GNAQ: variants seen among roughly 807,000 people sequenced by gnomAD.
GNAQ encodes G protein subunit alpha q.
Under a neutral mutation model 43.9 loss-of-function variants are expected in GNAQ, and 8 were observed. The ratio of observed to expected loss-of-function variants is 0.18; its 90% CI spans 0.11 to 0.33. The LOEUF is 0.33. Ranked by LOEUF, GNAQ falls within the 10% of genes least tolerant of loss-of-function variation. The probability of loss-of-function intolerance (pLI) is 1.00; values close to 1 mark genes in which losing one functional copy is unlikely to be tolerated. For missense variants in GNAQ, 158 were observed against 450.8 expected (o/e 0.35, Z 5.88); for synonymous variants, 155 against 170.7 (o/e 0.91, Z 0.71).
intron 5 of GNAQ, among the ~76,000 whole-genome samples, chr9:77,758,026 T>C (rs186755582): frequency 1.3e-4 from 20 of 152,338 alleles, no homozygotes; most frequent in Admixed American, 9.1e-4. Flanking sequence ...ATAATGCTTC[T>C]TGATTAAACA....
intron 3 of GNAQ, among the ~76,000 whole-genome samples, chr9:77,802,884 A>G (rs566686930): frequency 6.6e-6 from 1 of 152,090 alleles, no homozygotes; most frequent in Non-Finnish European, 1.5e-5. Context: ...GGATTTAATG[A>G]CTTTTCACTG....
Position 77,805,554 on chromosome 9 carries a change from A to G in GNAQ, c.477-7906T>C, listed in dbSNP as rs537635619. On this transcript the variant is annotated intron_variant, in intron 3 of 6. Transcript: ENST00000286548. The stretch of plus-strand genomic sequence containing the variant: ...CGAGTAGCTGGGATTACATGCGCGC[A>G]GCACCAGGCCTGGCTAATTTTTTGT... Among the ~76,000 whole-genome samples, 258 of 151,980 alleles carry G rather than the reference A, an allele frequency of 1.7e-3. 1 individual carries two copies. The highest frequency in any genetic ancestry group is 2.3e-3 in the Non-Finnish European group (154 of 67,962).
In GNAQ at chr9:77,721,487, G is replaced by T; in HGVS notation, c.916C>A (p.Arg306=). 6.2e-7 allele frequency: 1 copy of T among 1,611,478 alleles called. No individual in the cohort carries two copies. The highest frequency in any genetic ancestry group is 8.5e-7 in the Non-Finnish European group (1 of 1,178,318). Residue 306 remains arginine (R), a synonymous_variant, in exon 7 of 7, where the codon CGA becomes AGA. Coordinates refer to ENST00000286548, the MANE Select transcript of GNAQ (RefSeq NM_002072.5). The stretch of plus-strand genomic sequence containing the variant: ...ACGAACATCTTCAGAATGAATTCTC[G>T]GGCTGCCTGGGCATCTCTCTGGGGT... ...DGPQRDAQAA[R]EFILKMFVDL... is the part of the protein sequence containing the mutation.
chr9:77,993,491 G>A (rs1823533834), intron 1 of GNAQ, among the ~76,000 whole-genome samples: 1 of 152,112 alleles, frequency 6.6e-6, no homozygotes, highest in African/African-American at 2.4e-5. Flanking sequence ...GAGGTCAGAA[G>A]TTCAAGACCA....
intron 5 of GNAQ, among the ~76,000 whole-genome samples, chr9:77,791,895 T>C (rs2118434807): frequency 1.3e-5 from 2 of 152,262 alleles, no homozygotes; most frequent in South Asian, 4.1e-4. Flanking sequence ...ACAAAATGTT[T>C]CTGGAGTTTA....
intron 2 of GNAQ, among the ~76,000 whole-genome samples, chr9:77,824,757 T>C (rs1466587876): frequency 6.8e-6 from 1 of 147,966 alleles, no homozygotes; most frequent in Non-Finnish European, 1.5e-5. Context: ...AAAAGCTTCA[T>C]CTCGATTCCA....
At chr9:77,922,423 CTTGGAT>C in intron 1 of GNAQ, 78 bp from the exon 2 acceptor site, 1 of 984,462 alleles carries the variant, frequency 1.0e-6, no homozygotes. Flanking sequence ...AATACCATGC[CTTGGAT>C]TTAACATCCC....
chr9:77,904,855 T>C (rs892748101), intron 2 of GNAQ, among the ~76,000 whole-genome samples: 2 of 151,772 alleles, frequency 1.3e-5, no homozygotes, highest in South Asian at 2.1e-4. Context: ...AGATTCTATA[T>C]GGGATCATTT....
intron 3 of GNAQ, among the ~76,000 whole-genome samples, chr9:77,809,910 T>C (rs923574466): frequency 1.3e-5 from 2 of 152,196 alleles, no homozygotes; most frequent in Non-Finnish European, 2.9e-5. Context: ...ATAACATTCC[T>C]GAATTATCTG....
At chr9:77,937,564 T>C (rs1302669128) in intron 1 of GNAQ, among the ~76,000 whole-genome samples, 2 of 152,162 alleles carry the variant, frequency 1.3e-5, no homozygotes, top group African/African-American at 4.8e-5. Flanking sequence ...TTTAAGGAGT[T>C]GTCAAATACC....
chr9:77,941,219 A>G (rs1402940428), intron 1 of GNAQ, among the ~76,000 whole-genome samples: 1 of 152,088 alleles, frequency 6.6e-6, no homozygotes, highest in Admixed American at 6.5e-5. Context: ...AACAGCCACA[A>G]AGCTTTCTAA....
intron 1 of GNAQ, among the ~76,000 whole-genome samples, chr9:77,973,112 A>C (rs2118466473): frequency 6.6e-6 from 1 of 152,256 alleles, no homozygotes; most frequent in African/African-American, 2.4e-5. Flanking sequence ...ATTCAAAACC[A>C]ATGGGGTTTT....
intron 2 of GNAQ, among the ~76,000 whole-genome samples, chr9:77,838,790 A>G (rs1398912868): frequency 1.3e-5 from 2 of 152,088 alleles, no homozygotes; most frequent in African/African-American, 2.4e-5. Context: ...TACTTGTACA[A>G]TTTAATATAT....
At chr9:77,829,096 G>A (rs1360488169) in intron 2 of GNAQ, among the ~76,000 whole-genome samples, 1 of 152,080 alleles carries the variant, frequency 6.6e-6, no homozygotes, top group African/African-American at 2.4e-5. Flanking sequence ...CATGGAACTT[G>A]GGGAAGCAGC....
chr9:77,852,560 T>C (rs1460473223), intron 2 of GNAQ, among the ~76,000 whole-genome samples: 1 of 152,224 alleles, frequency 6.6e-6, no homozygotes, highest in East Asian at 1.9e-4. Context: ...AGCCACAGGA[T>C]TGAAAAGGTT....
intron 5 of GNAQ, among the ~76,000 whole-genome samples, chr9:77,742,206 A>G (rs1284177507): frequency 6.6e-6 from 1 of 152,206 alleles, no homozygotes; most frequent in African/African-American, 2.4e-5. Context: ...TGCAAACTGT[A>G]AAGTGCTTGA....
chr9:77,891,405 G>A (rs1039993966), intron 2 of GNAQ, among the ~76,000 whole-genome samples: 1 of 152,130 alleles, frequency 6.6e-6, no homozygotes, highest in Admixed American at 6.5e-5. Flanking sequence ...GGAGGAAGTA[G>A]GAGATCGGGA....
chr9:77,810,619 G>A (rs989607230), intron 3 of GNAQ, among the ~76,000 whole-genome samples: 17 of 152,050 alleles, frequency 1.1e-4, no homozygotes, highest in African/African-American at 2.9e-4. Flanking sequence ...GAATGCCTTC[G>A]GCTCTAAAGC....
chr9:77,876,941 TA>T (rs1475076841), intron 2 of GNAQ, among the ~76,000 whole-genome samples: 4 of 152,080 alleles, frequency 2.6e-5, no homozygotes, highest in African/African-American at 9.7e-5. Context: ...CCACACAGAG[TA>T]ACTGAGGAAA....
Sources: allele counts gnomAD v4.1 joint callset (sites outside exome capture counted in the v4.1 genomes callset), GRCh38; gene constraint gnomAD v4.1.1; transcripts MANE v1.5; gene names NCBI Gene and HGNC (gene_info 2026-07-23, HGNC 2026-07-21).